ZC3H3: variants seen among roughly 807,000 people sequenced by gnomAD.
ZC3H3 encodes the protein zinc finger CCCH domain-containing protein 3.
In ZC3H3, 36 loss-of-function variants were observed where a neutral mutation model predicts 77.3. That is an observed-to-expected ratio of 0.47 (90% confidence interval 0.36 to 0.61). ZC3H3 has a LOEUF of 0.61. ZC3H3 is among the 20% of genes least tolerant of loss of function. The pLI is 0.00. For missense variants in ZC3H3, 1,331 were observed against 1,312.2 expected, an observed-to-expected ratio of 1.01 and a Z score of -0.22; for synonymous variants, 626 against 555.2, an observed-to-expected ratio of 1.13 and a Z score of -1.79.
intron 4 of ZC3H3, among the ~76,000 whole-genome samples, chr8:143,477,649 A>T (rs1470693584): frequency 3.3e-5 from 5 of 152,170 alleles, no homozygotes; most frequent in African/African-American, 1.2e-4. Flanking sequence ...GAACCCCATC[A>T]GCCTGGGGGG....
chr8:143,508,423 A>C (rs1470969464), intron 3 of ZC3H3, among the ~76,000 whole-genome samples: 1 of 152,234 alleles, frequency 6.6e-6, no homozygotes, highest in African/African-American at 2.4e-5. Context: ...CGCTGTGCCC[A>C]GACAGACTTA....
At position 143,475,544 on chromosome 8, in the gene ZC3H3, C is replaced by A. The variant is rs747635591; in HGVS notation, c.1757G>T (p.Gly586Val). The change falls in exon 5 of 12, where the codon GGT (glycine) becomes GTT (valine). Residue 586 changes from glycine (G) to valine (V), a missense_variant. Around this residue, in one of 3 missense-constraint regions of ZC3H3, gnomAD observed 978 missense variants for 915.5 expected, o/e 1.07. Coordinates refer to ENST00000262577, the MANE Select transcript of ZC3H3 (RefSeq NM_015117.3). ...AGGGGAGCCCGGTTGGGCTTTCCCACCCCCGCTGGCAACTGGACGCAGGCG... is the reference window on the plus strand; with the variant it reads ...AGGGGAGCCCGGTTGGGCTTTCCCAACCCCGCTGGCAACTGGACGCAGGCG... ...LNRLRPVASG[G>V]GKAQPGSPWW... 43 of 1,609,498 alleles carry A rather than the reference C, an allele frequency of 2.7e-5. No individual in the cohort carries two copies. Among genetic ancestry groups the A allele is most frequent in the Admixed American group, 5.0e-5 (3 of 59,406 alleles).
At chr8:143,440,814 T>C in intron 10 of ZC3H3, 122 bp downstream of exon 10, 2 of 1,135,328 alleles carry the variant, frequency 1.8e-6, no homozygotes, top group Non-Finnish European at 2.3e-6. Context: ...TAGGGATTTC[T>C]TTCTGGTCTG....
intron 3 of ZC3H3, among the ~76,000 whole-genome samples, chr8:143,516,215 A>G (rs1305111883): frequency 1.3e-5 from 2 of 152,242 alleles, no homozygotes; most frequent in East Asian, 3.9e-4. Context: ...GACTGGAACC[A>G]CAAAGTATGA....
rs1183583226 is a variant in ZC3H3, at chr8:143,444,642, T to C, written c.2308-3522A>G. Among the ~76,000 whole-genome samples, 17 of 152,184 alleles carry C rather than the reference T, an allele frequency of 1.1e-4. 1 individual carries two copies. The highest frequency in any genetic ancestry group is 1.1e-3 in the Admixed American group (17 of 15,280). On this transcript the variant is annotated intron_variant, in intron 9 of 11. Coordinates refer to ENST00000262577, the MANE Select transcript of ZC3H3 (RefSeq NM_015117.3). ...ATATGATCACCTCACAGATATGAAA[T>C]AAGTATTTAATAAAATTCAACAGTT...
chr8:143,440,801 G>C, intron 10 of ZC3H3, 135 bp downstream of exon 10: 1 of 1,049,662 alleles, frequency 9.5e-7, no homozygotes, highest in Non-Finnish European at 1.3e-6. Flanking sequence ...CCCCAGCCTT[G>C]GATAGGGATT....
chr8:143,440,971 G>C lies in ZC3H3; in HGVS notation c.2457C>G (p.Thr819=). 1 of 1,448,640 alleles carries C rather than the reference G, an allele frequency of 6.9e-7. No homozygotes were observed. Among genetic ancestry groups the C allele is most frequent in the Non-Finnish European group, 9.0e-7 (1 of 1,106,354 alleles). 89.7% of individuals were successfully genotyped at this position (1,448,640 alleles called of 1,614,324 possible). ...TSPAPGPSDA[T]ARSRVSASHG... ...GGCTGGCCGAGACCCTGCTCCTGGCGGTTGCGTCGCTGGGCCCTGGGGCGG... is the reference window on the plus strand; with the variant it reads ...GGCTGGCCGAGACCCTGCTCCTGGCCGTTGCGTCGCTGGGCCCTGGGGCGG... The change falls in exon 10 of 12, where the codon ACC becomes ACG. Residue 819 remains threonine, a synonymous_variant. Transcript: ENST00000262577.
rs1428907992 is a variant in ZC3H3, at chr8:143,494,954, C to T, written c.1715+12792G>A. On this transcript the variant is annotated intron_variant, in intron 4 of 11. Transcript: ENST00000262577. The surrounding 1 kb of genome is among the most constrained non-coding windows in gnomAD (Gnocchi z 5.3). ...ATGAAAACCACAGTGAGAGGCCACA[C>T]ACGTGAGAATGCAGATTAGAAAGGC... is the stretch of plus-strand genomic sequence containing the variant. 6.6e-6 allele frequency among the ~76,000 whole-genome samples: 1 copy of T among 152,166 alleles called. No homozygotes were observed. Among genetic ancestry groups the T allele is most frequent in the African/African-American group, 2.4e-5 (1 of 41,432 alleles).
intron 4 of ZC3H3, among the ~76,000 whole-genome samples, chr8:143,479,244 G>C (rs780056070): frequency 2.6e-5 from 4 of 152,242 alleles, no homozygotes; most frequent in Non-Finnish European, 5.9e-5. Context: ...TACAGCAGGA[G>C]GGTGCTGGGA....
intron 4 of ZC3H3, among the ~76,000 whole-genome samples, chr8:143,477,018 C>T (rs1820753728): frequency 6.6e-6 from 1 of 152,194 alleles, no homozygotes; most frequent in Non-Finnish European, 1.5e-5. Flanking sequence ...TCAAAGCCAC[C>T]CACGAGGAGC....
chr8:143,440,514 C>G (rs1190185865), intron 10 of ZC3H3, 151 bp from the exon 11 acceptor site: 3 of 1,386,952 alleles, frequency 2.2e-6, no homozygotes, highest in Non-Finnish European at 2.8e-6. Flanking sequence ...TGGCCCTTGG[C>G]CGCAAGGACA....
At chr8:143,441,627 G>T (rs1436608667) in intron 9 of ZC3H3, among the ~76,000 whole-genome samples, 2 of 152,206 alleles carry the variant, frequency 1.3e-5, no homozygotes, top group Admixed American at 1.3e-4. Context: ...CTGTCACAGT[G>T]CTAATTATAC....
Position 143,460,101 on chromosome 8 carries a change from C to T in ZC3H3, c.2307+5616G>A, listed in dbSNP as rs1030502976. 6.6e-6 allele frequency among the ~76,000 whole-genome samples: 1 copy of T among 151,982 alleles called. No individual in the cohort carries two copies. The highest frequency in any genetic ancestry group is 2.1e-4 in the South Asian group (1 of 4,814). On this transcript the variant is annotated intron_variant, in intron 9 of 11. Coordinates refer to ENST00000262577, the MANE Select transcript of ZC3H3 (RefSeq NM_015117.3). The surrounding 1 kb of genome is among the most constrained non-coding windows in gnomAD (Gnocchi z 4.0). ...TCTCTACTAAAAACACAAAAATTAG[C>T]TGGGTTTGGTGGCACATGCACCTGT...
chr8:143,509,057 A>G (rs1470890), intron 3 of ZC3H3, among the ~76,000 whole-genome samples: 5,710 of 152,130 alleles, frequency 0.038, 323 homozygotes, highest in African/African-American at 0.13. Context: ...TCCAGATGTC[A>G]GCAAAGAGCC....
In ZC3H3 at chr8:143,460,354, T is replaced by C. The variant is rs368880535; in HGVS notation, c.2307+5363A>G. ...TGTTTGCTGATGACATGATCTTATA[T>C]GTAAGAAAACCCTAAAGAATCCACA... On this transcript the variant is annotated intron_variant, in intron 9 of 11. Transcript: ENST00000262577. The surrounding 1 kb of genome is among the most constrained non-coding windows in gnomAD (Gnocchi z 4.0). Among the ~76,000 whole-genome samples, 35 of 152,064 alleles carry C rather than the reference T, an allele frequency of 2.3e-4. No homozygotes were observed. The East Asian group carries it at 5.2e-3, about 23-fold the overall frequency.
chr8:143,502,903 C>G (rs1407982000), intron 4 of ZC3H3, among the ~76,000 whole-genome samples: 1 of 152,228 alleles, frequency 6.6e-6, no homozygotes, highest in Non-Finnish European at 1.5e-5. Context: ...AGGCAGCAGT[C>G]CTGGGGCCCG....
At chr8:143,490,585 A>T (rs1026914155) in intron 4 of ZC3H3, among the ~76,000 whole-genome samples, 4 of 152,240 alleles carry the variant, frequency 2.6e-5, no homozygotes, top group African/African-American at 9.6e-5. Context: ...TTGGGGTGAG[A>T]TCTGGCTGGA....
At chr8:143,520,742 G>A (rs535915719) in intron 3 of ZC3H3, among the ~76,000 whole-genome samples, 3 of 152,264 alleles carry the variant, frequency 2.0e-5, no homozygotes, top group South Asian at 2.1e-4. Flanking sequence ...GCACTGCCCC[G>A]CTAACAGGGC....
At chr8:143,502,500 G>A (rs1040241281) in intron 4 of ZC3H3, among the ~76,000 whole-genome samples, 2 of 152,200 alleles carry the variant, frequency 1.3e-5, no homozygotes, top group East Asian at 1.9e-4. Flanking sequence ...AAGATTTACC[G>A]CACAGACACA....
Sources: gnomAD v4.1 joint callset for allele counts (sites outside exome capture counted in the v4.1 genomes callset) on GRCh38, gnomAD v4.1.1 for gene constraint, gnomAD v4.1.1 regional missense constraint, Gnocchi (gnomAD v3.1) non-coding constraint, MANE v1.5 for transcripts, NCBI Gene and HGNC (gene_info 2026-07-23, HGNC 2026-07-21) for gene names.